The following LCN12 variants were observed in gnomAD, a reference collection of about 807,000 sequenced individuals.
LCN12 encodes lipocalin 12, also known as epididymal-specific lipocalin-12.
In LCN12, 15 loss-of-function variants were observed where a neutral mutation model predicts 23.7. The ratio of observed to expected loss-of-function variants is 0.63; its 90% CI spans 0.42 to 0.97. LCN12 has a LOEUF of 0.97. Ranked by LOEUF, LCN12 falls within the 50% of genes least tolerant of loss-of-function variation. LCN12 has a pLI of 0.00. For missense variants in LCN12, 219 were observed against 249.6 expected (o/e 0.88, Z 0.83); for synonymous variants, 116 against 111.5 (o/e 1.04, Z -0.25).
rs536627866 is a variant in LCN12, at chr9:136,953,951, G to A, written c.435G>A (p.Arg145=). The part of the protein sequence containing the change: ...RRHTSRLAVL[R]ISLLGRSWLL... ...ACACGAGCAGGCTGGCCGTCCTCAG[G>A]ATCAGCCTGCTGGGTGAGCCTCCCA... The change falls in exon 4 of 6, where the codon AGG becomes AGA. Residue 145 remains arginine (R), a synonymous_variant. Coordinates refer to ENST00000371633, the MANE Select transcript of LCN12 (RefSeq NM_178536.4). The A allele has an allele frequency of 2.5e-6, 4 of 1,609,886 alleles. No homozygotes were observed. The South Asian group carries it at 4.4e-5, about 18-fold the overall frequency.
intron 5 of LCN12, chr9:136,954,879 T>A (rs1564449186): frequency 8.1e-7 from 1 of 1,232,566 alleles, no homozygotes; most frequent in East Asian, 5.6e-5. Flanking sequence ...GCCCTTCTGA[T>A]TCCCGCCTCT....
chr9:136,952,844 A>C, intron 1 of LCN12, 48 bp from the exon 2 acceptor site: 63 of 1,588,968 alleles, frequency 4.0e-5, no homozygotes, highest in Non-Finnish European at 5.2e-5. Flanking sequence ...GACCCTGCCC[A>C]CTGCCACCCC....
chr9:136,952,508 G>T, intron 1 of LCN12, 67 bp downstream of exon 1: 1 of 1,163,414 alleles, frequency 8.6e-7, no homozygotes, highest in Non-Finnish European at 1.2e-6. Flanking sequence ...GCTGGTGGCT[G>T]AGCAGGCCTG....
At position 136,955,411 on chromosome 9, in the gene LCN12, G is replaced by C; in HGVS notation, c.*12G>C. 6.2e-7 allele frequency: 1 copy of C among 1,612,638 alleles called. No homozygotes were observed. Among genetic ancestry groups the C allele is most frequent in the Middle Eastern group, 1.7e-4 (1 of 6,054 alleles). On this transcript the variant is annotated 3_prime_UTR_variant, in exon 6 of 6. Transcript: ENST00000371633. ...CCAGCGTCTGTTGAAGGATGAAGCA[G>C]CTCCTGTCCGGCCCAGCCCTGCCTC...
upstream of LCN12, among the ~76,000 whole-genome samples, chr9:136,952,137 G>A (rs996655439): frequency 6.8e-6 from 1 of 147,970 alleles, no homozygotes; most frequent in Non-Finnish European, 1.5e-5. Flanking sequence ...GGGTGGGTGG[G>A]ACCTGAGGAG....
In LCN12 at chr9:136,952,382, G is replaced by T. The variant is rs751386791; in HGVS notation, c.55G>T (p.Ala19Ser). 3 of 1,612,070 alleles carry T rather than the reference G, an allele frequency of 1.9e-6. No homozygotes were observed. Among genetic ancestry groups the T allele is most frequent in the African/African-American group, 1.3e-5 (1 of 74,880 alleles). ...LWLSLLKVLQ[A>S]QTPTPLPLPP... ...GCTCTCCTTGCTGAAAGTCCTGCAG[G>T]CCCAGACCCCAACCCCCCTGCCACT... Residue 19 changes from alanine (A) to serine (S), a missense_variant, in exon 1 of 6, where the codon GCC (alanine) becomes TCC (serine). Transcript: ENST00000371633.
intron 5 of LCN12, chr9:136,955,038 G>A (rs1211141247): frequency 4.2e-5 from 58 of 1,391,878 alleles, no homozygotes; most frequent in Non-Finnish European, 5.1e-5. Context: ...ACAGGCACAC[G>A]TGCTGGTCTG....
At chr9:136,949,337 G>A (rs1357336157), upstream of LCN12, among the ~76,000 whole-genome samples, 2 of 152,210 alleles carry the variant, frequency 1.3e-5, no homozygotes, top group Non-Finnish European at 2.9e-5. Context: ...GGGTGCCCCC[G>A]CCTTGCCTGG....
chr9:136,952,910 G>A lies in LCN12; in HGVS notation c.133G>A (p.Val45Ile), dbSNP rs757604152. ...TCTGTAGTTCCAGGGGGAATGGTTC[G>A]TCCTGGGCCTGGCGGGCAACAGCTT... ...QGNQFQGEWF[V>I]LGLAGNSFRP... Residue 45 changes from valine (V) to isoleucine (I), a missense_variant, in exon 2 of 6, where the codon GTC becomes ATC. Val to Ile is a conservative substitution (Grantham distance 29). Transcript: ENST00000371633. 1.3e-5 allele frequency: 21 copies of A among 1,613,170 alleles called. No homozygotes were observed. The highest frequency in any genetic ancestry group is 4.0e-5 in the African/African-American group (3 of 74,868).
upstream of LCN12, among the ~76,000 whole-genome samples, chr9:136,950,177 G>A (rs911464608): frequency 7.2e-5 from 11 of 152,334 alleles, no homozygotes; most frequent in South Asian, 2.1e-3. Flanking sequence ...TTAGACGGGA[G>A]GAGCAGCACC....
chr9:136,950,210 G>T (rs1386012128), upstream of LCN12, among the ~76,000 whole-genome samples: 1 of 152,228 alleles, frequency 6.6e-6, no homozygotes, highest in African/African-American at 2.4e-5. Flanking sequence ...GCGGTGGGGG[G>T]AGGAGGCGCG....
intron 1 of LCN12, 119 bp from the exon 2 acceptor site, chr9:136,952,773 G>A (rs942067681): frequency 4.0e-6 from 5 of 1,242,954 alleles, no homozygotes; most frequent in Non-Finnish European, 5.5e-6. Context: ...CGCCGGCCCA[G>A]CCAGGAGCAC....
intron 1 of LCN12, 35 bp from the exon 2 acceptor site, chr9:136,952,857 C>T: frequency 7.7e-7 from 1 of 1,298,012 alleles, no homozygotes; most frequent in Non-Finnish European, 1.1e-6. Flanking sequence ...GCCACCCCTG[C>T]CCACCGCCGC....
At chr9:136,952,816 G>C in intron 1 of LCN12, 76 bp from the exon 2 acceptor site, 6 of 1,541,082 alleles carry the variant, frequency 3.9e-6, no homozygotes, top group South Asian at 2.4e-5. Context: ...CTGCCAGGGA[G>C]GGCGGGAGGG....
chr9:136,955,833 T>G (rs1255845430), downstream of LCN12, among the ~76,000 whole-genome samples: 1 of 152,208 alleles, frequency 6.6e-6, no homozygotes, highest in Non-Finnish European at 1.5e-5. Flanking sequence ...GCAGCCGGGC[T>G]GGAGCTTGCC....
upstream of LCN12, among the ~76,000 whole-genome samples, chr9:136,951,114 C>T (rs746343105): frequency 1.3e-5 from 2 of 151,048 alleles, no homozygotes; most frequent in Non-Finnish European, 3.0e-5. Context: ...AGTCCAGCAC[C>T]CAGAGGCTTC....
At chr9:136,956,430 A>T (rs1190490554), downstream of LCN12, among the ~76,000 whole-genome samples, 1 of 152,214 alleles carries the variant, frequency 6.6e-6, no homozygotes, top group East Asian at 1.9e-4. Context: ...ACGGACAGAG[A>T]CAGCAGACAG....
At chr9:136,951,094 C>CT (rs1851142120), upstream of LCN12, among the ~76,000 whole-genome samples, 1 of 138,972 alleles carries the variant, frequency 7.2e-6, no homozygotes, top group Non-Finnish European at 1.6e-5. Flanking sequence ...CTTGGTGACC[C>CT]CTAACATGGA....
chr9:136,953,322 A>G (rs11145942), intron 2 of LCN12: 4,664 of 452,074 alleles, frequency 0.01, 51 homozygotes, highest in Non-Finnish European at 0.014. Context: ...CCAGGACTTC[A>G]GGGGCCGGGC....
Sources: allele counts gnomAD v4.1 joint callset (sites outside exome capture counted in the v4.1 genomes callset), GRCh38; gene constraint gnomAD v4.1.1; transcripts MANE v1.5; gene names NCBI Gene and HGNC (gene_info 2026-07-23, HGNC 2026-07-21).